Variants in EDARADD observed in about 807,000 individuals in gnomAD.
EDARADD encodes the protein EDAR associated via death domain, also known as ectodysplasin-A receptor-associated adapter protein.
A neutral mutation model predicts 25.6 loss-of-function variants in EDARADD; 20 were observed. The ratio of observed to expected loss-of-function variants is 0.78; its 90% CI spans 0.55 to 1.14. The LOEUF is 1.14. EDARADD is among the 50% of genes most tolerant of loss of function. EDARADD has a pLI of 0.00. For synonymous variants in EDARADD, 86 were observed against 94.4 expected, an observed-to-expected ratio of 0.91 and a Z score of 0.52; for missense variants, 225 against 270.1, an observed-to-expected ratio of 0.83 and a Z score of 1.17.
At chr1:236,390,283 T>C (rs4659663), upstream of EDARADD, among the ~76,000 whole-genome samples, 116,744 of 152,022 alleles carry the variant, frequency 0.77, 46,285 homozygotes, top group South Asian at 0.92. Context: ...TGGCCGGGCG[T>C]GGTGGCTCAT....
At chr1:236,357,089 A>T (rs1759379) in intron 3 of EDARADD, among the ~76,000 whole-genome samples, 5 of 68,344 alleles carry the variant, frequency 7.3e-5, no homozygotes, top group Admixed American at 1.3e-4. Context: ...TGTCTCAAAT[A>T]AAAAATAAAA....
At chr1:236,391,417 T>G (rs950778972), upstream of EDARADD, among the ~76,000 whole-genome samples, 1 of 152,146 alleles carries the variant, frequency 6.6e-6, no homozygotes, top group Admixed American at 6.6e-5. Context: ...ACTTAGTAAC[T>G]CTTGTTGGGG....
At chr1:236,429,393 T>A (rs972709044) in intron 4 of EDARADD, among the ~76,000 whole-genome samples, 64 of 151,228 alleles carry the variant, frequency 4.2e-4, no homozygotes, top group Non-Finnish European at 5.7e-4. Context: ...TTATTTATTT[T>A]TTTAGACAGA....
At chr1:236,458,060 A>G (rs568443708) in intron 4 of EDARADD, among the ~76,000 whole-genome samples, 1 of 152,308 alleles carries the variant, frequency 6.6e-6, no homozygotes, top group Admixed American at 6.5e-5. Context: ...AGACATTCGG[A>G]TGGTGTGGGT....
intron 3 of EDARADD, among the ~76,000 whole-genome samples, chr1:236,387,675 GA>G (rs369008867): frequency 5.9e-5 from 1 of 16,818 alleles, no homozygotes; most frequent in East Asian, 2.7e-3. Flanking sequence ...TCTGCCTTGG[GA>G]ATCCTGTTGA....
intron 3 of EDARADD, among the ~76,000 whole-genome samples, chr1:236,371,964 TA>T (rs1327277138): frequency 2.0e-5 from 3 of 151,886 alleles, no homozygotes; most frequent in Non-Finnish European, 2.9e-5. Flanking sequence ...TTTATTTATT[TA>T]TTTTTTTGAG....
chr1:236,394,730 A>G (rs1458061081), intron 1 of EDARADD, among the ~76,000 whole-genome samples: 1 of 152,226 alleles, frequency 6.6e-6, no homozygotes, highest in South Asian at 2.1e-4. Flanking sequence ...TTCCTATAAT[A>G]GGCTTATGAT....
rs140795649 is a variant in EDARADD at position 236,409,854 on chromosome 1, G to A, written c.120+580G>A. 1.5e-3 allele frequency among the ~76,000 whole-genome samples: 222 copies of A among 151,870 alleles called. 2 individuals are homozygous for A. Among genetic ancestry groups the A allele is most frequent in the African/African-American group, 4.9e-3 (201 of 41,414 alleles). On this transcript the variant is annotated intron_variant, in intron 2 of 5. Transcript: ENST00000334232. ...GCTGGGATTACAGATGTGAGCCACC[G>A]TACCTGGCCTACTTGCCTGTTTTTA...
intron 2 of EDARADD, among the ~76,000 whole-genome samples, chr1:236,410,361 T>C (rs60360623): frequency 0.082 from 12,421 of 152,132 alleles, 1,468 homozygotes; most frequent in African/African-American, 0.27. Flanking sequence ...ATTTTCTGTT[T>C]CTGAGTTATT....
At chr1:236,360,134 G>A (rs1174949051) in intron 3 of EDARADD, among the ~76,000 whole-genome samples, 1 of 151,984 alleles carries the variant, frequency 6.6e-6, no homozygotes, top group African/African-American at 2.4e-5. Context: ...GGTCAACATA[G>A]CAAGAGCTTG....
chr1:236,386,048 C>T (rs1667349461), intron 3 of EDARADD, among the ~76,000 whole-genome samples: 1 of 33,550 alleles, frequency 3.0e-5, no homozygotes, highest in African/African-American at 8.4e-5. Context: ...CTCAGTCTGC[C>T]GAATGCCTGC....
At chr1:236,441,731 T>C (rs897495581) in intron 4 of EDARADD, among the ~76,000 whole-genome samples, 1 of 151,286 alleles carries the variant, frequency 6.6e-6, no homozygotes, top group Non-Finnish European at 1.5e-5. Flanking sequence ...GGTTTCACCA[T>C]ATTGGCCAGG....
chr1:236,357,593 C>T (rs1666994979), intron 3 of EDARADD, among the ~76,000 whole-genome samples: 1 of 152,112 alleles, frequency 6.6e-6, no homozygotes. Flanking sequence ...GGAGCTTTTA[C>T]TCATGGTAGA....
At chr1:236,431,529 A>G (rs530444336) in intron 4 of EDARADD, among the ~76,000 whole-genome samples, 15 of 152,326 alleles carry the variant, frequency 9.8e-5, no homozygotes, top group African/African-American at 3.1e-4. Context: ...AACTTCTACA[A>G]CTTATTACAA....
In EDARADD at chr1:236,395,301, G is replaced by T; in HGVS notation, c.61+796G>T. ...GACGCGCGCTCTGGGCGCTGGGGAC[G>T]CCCGGGACACTCGGGGCCCCGCCTT... is the stretch of plus-strand genomic sequence containing the variant. On this transcript the variant is annotated intron_variant, in intron 1 of 5. Transcript: ENST00000334232. The surrounding 1 kb of genome is among the most constrained non-coding windows in gnomAD (Gnocchi z 6.9). 11 of 1,197,182 alleles carry T rather than the reference G, an allele frequency of 9.2e-6. No homozygotes were observed. The South Asian group carries it at 1.4e-4, about 16-fold the overall frequency. The allele number at this position is 1,197,182 out of a possible 1,614,324, so 74.2% of individuals were successfully genotyped here. A position where few individuals can be genotyped will look rare whatever the true frequency, so the allele number is the denominator to read the frequency against.
chr1:236,450,566 T>TTTTTTTTTG (rs1658684585), intron 4 of EDARADD, among the ~76,000 whole-genome samples: 1 of 147,858 alleles, frequency 6.8e-6, no homozygotes, highest in Admixed American at 6.8e-5. Flanking sequence ...TTTTTTTCTT[T>TTTTTTTTTG]GAGACAGAGT....
chr1:236,415,926 C>T (rs906474316), intron 3 of EDARADD, among the ~76,000 whole-genome samples: 1 of 152,164 alleles, frequency 6.6e-6, no homozygotes, highest in East Asian at 1.9e-4. Flanking sequence ...AGGGGTAGGC[C>T]TGCCCAGCAC....
intron 4 of EDARADD, among the ~76,000 whole-genome samples, chr1:236,428,938 C>A (rs74794888): frequency 1.3e-5 from 2 of 151,610 alleles, no homozygotes; most frequent in Non-Finnish European, 3.0e-5. Context: ...GCTGGAGACA[C>A]GCCCGGCCAA....
chr1:236,414,207 T>C (rs1455553998), intron 2 of EDARADD, 53 bp from the exon 3 acceptor site: 1 of 1,480,520 alleles, frequency 6.8e-7, no homozygotes, highest in African/African-American at 1.4e-5. Context: ...TCTTTTCACT[T>C]TGATCTTACA....
Sources: gnomAD v4.1 joint callset for allele counts (sites outside exome capture counted in the v4.1 genomes callset) on GRCh38, gnomAD v4.1.1 for gene constraint, Gnocchi (gnomAD v3.1) non-coding constraint, MANE v1.5 for transcripts, NCBI Gene and HGNC (gene_info 2026-07-23, HGNC 2026-07-21) for gene names.